GTF3C5: variants seen among roughly 807,000 people sequenced by gnomAD.
GTF3C5 encodes the protein general transcription factor 3C polypeptide 5.
Under a neutral mutation model 61.0 loss-of-function variants are expected in GTF3C5, and 47 were observed. The observed-to-expected ratio is 0.77, with a 90% confidence interval of 0.61 to 0.98. The LOEUF is 0.98. Among genes scored for constraint, GTF3C5 ranks in the 50% least tolerant of loss-of-function variants. The pLI is 0.00. For synonymous variants in GTF3C5, 295 were observed against 275.4 expected (o/e 1.07, Z -0.71); for missense variants, 659 against 703.3 (o/e 0.94, Z 0.71).
intron 7 of GTF3C5, 98 bp downstream of exon 7, chr9:133,054,586 C>A: frequency 7.0e-7 from 1 of 1,424,414 alleles, no homozygotes; most frequent in Non-Finnish European, 9.7e-7. Context: ...GGGGTCACTC[C>A]AGGGCTCTGC....
intron 1 of GTF3C5, among the ~76,000 whole-genome samples, chr9:133,035,881 T>C (rs1172804603): frequency 6.6e-6 from 1 of 152,204 alleles, no homozygotes; most frequent in Non-Finnish European, 1.5e-5. Flanking sequence ...CCTTTGCTAT[T>C]AATGAGACCT....
intron 4 of GTF3C5, 91 bp from the exon 5 acceptor site, chr9:133,051,969 G>T: frequency 1.6e-6 from 1 of 640,280 alleles, no homozygotes; most frequent in Non-Finnish European, 2.7e-6. Context: ...TCTCTGGAGG[G>T]GCCGCTGGGG....
At chr9:133,038,610 C>T (rs189405709) in intron 1 of GTF3C5, among the ~76,000 whole-genome samples, 84 of 151,426 alleles carry the variant, frequency 5.5e-4, no homozygotes, top group African/African-American at 2.0e-3. Flanking sequence ...ACCACCACGC[C>T]CGGCTAATTT....
intron 4 of GTF3C5, 28 bp from the exon 5 acceptor site, chr9:133,052,032 T>C (rs1431795067): frequency 7.8e-7 from 1 of 1,289,698 alleles, no homozygotes; most frequent in South Asian, 1.3e-5. Context: ...CTGGTGCTCA[T>C]CTCAGCCTCT....
At chr9:133,051,069 G>C (rs568090671) in intron 4 of GTF3C5, 91 bp downstream of exon 4, 1 of 1,029,320 alleles carries the variant, frequency 9.7e-7, no homozygotes, top group African/African-American at 1.6e-5. Context: ...CTGGCTGTGG[G>C]GTTGGCTGCA....
At chr9:133,030,749 A>T (rs978831202), upstream of GTF3C5, 11 of 585,992 alleles carry the variant, frequency 1.9e-5, no homozygotes, top group South Asian at 1.9e-4. Context: ...AGTAGGAGAG[A>T]CTGGTGCTTG....
intron 3 of GTF3C5, among the ~76,000 whole-genome samples, chr9:133,045,783 C>T (rs113016026): frequency 0.029 from 4,472 of 152,052 alleles, 75 homozygotes; most frequent in East Asian, 0.066. Context: ...ACTGCAGGCG[C>T]CCACCAGTAC....
chr9:133,033,680 A>G (rs1219955967), intron 1 of GTF3C5, among the ~76,000 whole-genome samples: 2 of 152,172 alleles, frequency 1.3e-5, no homozygotes, highest in African/African-American at 4.8e-5. Context: ...CGTACAGCCC[A>G]TGCCCACTCG....
At chr9:133,048,500 AAAT>A (rs972748520) in intron 3 of GTF3C5, among the ~76,000 whole-genome samples, 1 of 152,126 alleles carries the variant, frequency 6.6e-6, no homozygotes, top group Non-Finnish European at 1.5e-5. Flanking sequence ...CCATCTCAAA[AAAT>A]AATAATATAC....
intron 2 of GTF3C5, among the ~76,000 whole-genome samples, chr9:133,043,075 G>T (rs1015614348): frequency 6.6e-6 from 1 of 152,194 alleles, no homozygotes; most frequent in African/African-American, 2.4e-5. Context: ...AGAGTATAAA[G>T]ATTGAGAAGG....
chr9:133,056,817 A>G lies in GTF3C5; in HGVS notation c.1302A>G (p.Glu434=). ...ACGGGGCAGAGAATTCCTGCACAGA[A>G]CGGGATGGGTGGTGCCTCCCCAAGA... is the stretch of plus-strand genomic sequence containing the variant. ...RNDGAENSCT[E]RDGWCLPKTS... is the part of the protein sequence containing the mutation. The change falls in exon 10 of 11, where the codon GAA becomes GAG. Residue 434 remains glutamate (E), a synonymous_variant. Transcript: ENST00000372097. 1 of 1,612,252 alleles carries G rather than the reference A, an allele frequency of 6.2e-7. No homozygotes were observed. Among genetic ancestry groups the G allele is most frequent in the East Asian group, 2.2e-5 (1 of 44,708 alleles).
intron 8 of GTF3C5, chr9:133,055,763 C>G (rs917418551): frequency 5.2e-6 from 7 of 1,339,442 alleles, no homozygotes; most frequent in Non-Finnish European, 6.7e-6. Context: ...GCTGCACGGG[C>G]GGGCTCACCG....
chr9:133,054,987 C>G, intron 8 of GTF3C5, 178 bp downstream of exon 8: 2 of 1,551,722 alleles, frequency 1.3e-6, no homozygotes, highest in Non-Finnish European at 1.7e-6. Flanking sequence ...GTGCAAAGCC[C>G]CAGGGCTGTG....
In GTF3C5 at chr9:133,042,183, C is replaced by T; in HGVS notation, c.250C>T (p.Leu84=). 6.2e-7 allele frequency: 1 copy of T among 1,613,672 alleles called. No homozygotes were observed. The highest frequency in any genetic ancestry group is 1.3e-5 in the African/African-American group (1 of 75,054). The change falls in exon 2 of 11, where the codon CTG becomes TTG. Residue 84 remains leucine (L), a synonymous_variant. Coordinates refer to ENST00000372097, the MANE Select transcript of GTF3C5 (RefSeq NM_012087.4). The part of the protein sequence containing the change: ...VCANRFSTSS[L]LLRIRKRTRR... ...CGCCAACCGCTTCAGTACCAGCAGCCTGCTGCTCCGCATCAGGAAGAGAAC... is the reference window on the plus strand; with the variant it reads ...CGCCAACCGCTTCAGTACCAGCAGCTTGCTGCTCCGCATCAGGAAGAGAAC...
In GTF3C5 at chr9:133,050,869, A is replaced by G; in HGVS notation, c.659A>G (p.Asn220Ser). The part of the protein sequence containing the change: ...ARRPHNAIFV[N>S]FEDEEVPKQP... ...CGCCCCCACAATGCCATCTTTGTCA[A>G]CTTTGAGGATGAGGAGGTGCCCAAG... The change falls in exon 4 of 11, where the codon AAC becomes AGC. Residue 220 changes from asparagine (N) to serine (S), a missense_variant. Asn to Ser is a conservative substitution (Grantham distance 46, BLOSUM62 1). Transcript: ENST00000372097. The G allele has an allele frequency of 6.2e-7, 1 of 1,613,176 alleles. No homozygotes were observed. The highest frequency in any genetic ancestry group is 8.5e-7 in the Non-Finnish European group (1 of 1,179,632).
At chr9:133,048,814 C>T (rs564636967) in intron 3 of GTF3C5, among the ~76,000 whole-genome samples, 121 of 152,354 alleles carry the variant, frequency 7.9e-4, no homozygotes, top group East Asian at 2.9e-3. Flanking sequence ...CAGCTGCCCT[C>T]GGGCCCCAAG....
At chr9:133,057,719 T>G in intron 10 of GTF3C5, 95 bp from the exon 11 acceptor site, 2 of 1,181,100 alleles carry the variant, frequency 1.7e-6, no homozygotes, top group Non-Finnish European at 2.4e-6. Context: ...CGGACCCTTA[T>G]AGTAGTAAAC....
intron 1 of GTF3C5, among the ~76,000 whole-genome samples, chr9:133,040,236 G>A (rs1463308622): frequency 6.6e-6 from 1 of 152,038 alleles, no homozygotes; most frequent in Non-Finnish European, 1.5e-5. Context: ...ATGAGGAGGA[G>A]ATTCCTGAGA....
chr9:133,030,954 A>G, upstream of GTF3C5: 1 of 1,579,650 alleles, frequency 6.3e-7, no homozygotes. Context: ...AATTGAGGCG[A>G]GGCCTTTGGG....
Sources: allele counts gnomAD v4.1 joint callset (sites outside exome capture counted in the v4.1 genomes callset), GRCh38; gene constraint gnomAD v4.1.1; transcripts MANE v1.5; gene names NCBI Gene and HGNC (gene_info 2026-07-23, HGNC 2026-07-21).